ST3GAL1: variants seen among roughly 807,000 people sequenced by gnomAD.
ST3GAL1 encodes ST3 beta-galactoside alpha-2,3-sialyltransferase 1.
Under a neutral mutation model 34.1 loss-of-function variants are expected in ST3GAL1, and 16 were observed. The ratio of observed to expected loss-of-function variants is 0.47; its 90% CI spans 0.32 to 0.71. The LOEUF is 0.71. Ranked by LOEUF, ST3GAL1 falls within the 30% of genes least tolerant of loss-of-function variation. The probability of loss-of-function intolerance (pLI) is 0.04; values close to 1 mark genes in which losing one functional copy is unlikely to be tolerated. For synonymous variants in ST3GAL1, 191 were observed against 184.7 expected (o/e 1.03, Z -0.28); for missense variants, 353 against 447.4 (o/e 0.79, Z 1.90).
intron 1 of ST3GAL1, among the ~76,000 whole-genome samples, chr8:133,562,264 C>A (rs1819248978): frequency 6.8e-6 from 1 of 146,338 alleles, no homozygotes; most frequent in Admixed American, 7.0e-5. Context: ...GGCTGGAGTG[C>A]AGTGGCAGGA....
At position 133,570,711 on chromosome 8, in the gene ST3GAL1, G is replaced by C. The variant is rs770931010; in HGVS notation, c.-582+982C>G. Among the ~76,000 whole-genome samples the C allele has an allele frequency of 1.3e-5, 2 of 152,158 alleles. No individual in the cohort carries two copies. The highest frequency in any genetic ancestry group is 2.9e-5 in the Non-Finnish European group (2 of 68,038). On this transcript the variant is annotated intron_variant, in intron 1 of 9. Coordinates refer to ENST00000522652, the MANE Select transcript of ST3GAL1 (RefSeq NM_173344.3). This position sits in a 1 kb window ranked among gnomAD's most constrained non-coding sequence, Gnocchi z 5.6. ...CGCAAGGTCACGCTTAAACACTCGC[G>C]CAGAGAAAGGAGGAGCGGAAAGTTG...
intron 3 of ST3GAL1, among the ~76,000 whole-genome samples, chr8:133,490,332 G>A (rs539325880): frequency 6.6e-6 from 1 of 152,192 alleles, no homozygotes; most frequent in East Asian, 1.9e-4. Context: ...AGGTACCCAA[G>A]CATGCCTGCG....
At chr8:133,517,130 G>A (rs2131020886) in intron 2 of ST3GAL1, among the ~76,000 whole-genome samples, 1 of 152,332 alleles carries the variant, frequency 6.6e-6, no homozygotes, top group Admixed American at 6.5e-5. Flanking sequence ...AAACCATTAT[G>A]GGGACGTTTT....
At chr8:133,551,618 G>GAA (rs1481293927) in intron 1 of ST3GAL1, among the ~76,000 whole-genome samples, 63 of 144,378 alleles carry the variant, frequency 4.4e-4, no homozygotes, top group East Asian at 2.5e-3. Flanking sequence ...AAGAAAGAAA[G>GAA]AGCGAGCAAG....
intron 2 of ST3GAL1, among the ~76,000 whole-genome samples, chr8:133,507,410 G>A (rs1817377719): frequency 6.6e-6 from 1 of 152,276 alleles, no homozygotes; most frequent in South Asian, 2.1e-4. Context: ...GAAGAGCATA[G>A]GCTTTGGCCC....
intron 2 of ST3GAL1, among the ~76,000 whole-genome samples, chr8:133,524,932 C>T (rs138020237): frequency 3.9e-5 from 6 of 152,378 alleles, no homozygotes; most frequent in South Asian, 2.1e-4. Context: ...TTGGGGAGCC[C>T]CTAGATCTGG....
At chr8:133,525,830 G>C (rs1243899684) in intron 2 of ST3GAL1, among the ~76,000 whole-genome samples, 1 of 152,218 alleles carries the variant, frequency 6.6e-6, no homozygotes, top group Non-Finnish European at 1.5e-5. Context: ...TGGGAGTGGT[G>C]AGATGCCAGG....
intron 2 of ST3GAL1, among the ~76,000 whole-genome samples, chr8:133,513,118 C>T (rs2131014549): frequency 6.6e-6 from 1 of 152,288 alleles, no homozygotes; most frequent in South Asian, 2.1e-4. Context: ...TCATCAATGT[C>T]AGTGGAAAGA....
chr8:133,555,964 G>T (rs2131095539), intron 1 of ST3GAL1, among the ~76,000 whole-genome samples: 1 of 152,224 alleles, frequency 6.6e-6, no homozygotes, highest in South Asian at 2.1e-4. Context: ...CACGGTCTCG[G>T]CTCACTGCAA....
At chr8:133,535,728 A>G (rs1563731609) in intron 2 of ST3GAL1, among the ~76,000 whole-genome samples, 1 of 152,132 alleles carries the variant, frequency 6.6e-6, no homozygotes, top group Admixed American at 6.6e-5. Flanking sequence ...GCCTCAAGCA[A>G]TCTGCCCGCC....
At chr8:133,514,310 G>A (rs1303492227) in intron 2 of ST3GAL1, among the ~76,000 whole-genome samples, 1 of 152,130 alleles carries the variant, frequency 6.6e-6, no homozygotes, top group Non-Finnish European at 1.5e-5. Flanking sequence ...CCTGGCCACA[G>A]GCATTGGGTA....
chr8:133,480,410 TGTAGTAAATACCCACTGAACGGGATG>T (rs1266486594), intron 3 of ST3GAL1, among the ~76,000 whole-genome samples: 2 of 152,188 alleles, frequency 1.3e-5, no homozygotes, highest in African/African-American at 4.8e-5. Flanking sequence ...GTTTTGAACC[TGTAGTAAATACCCACTGAACGGGATG>T]GTAGTAAATA....
At chr8:133,537,187 T>C (rs993271855) in intron 2 of ST3GAL1, among the ~76,000 whole-genome samples, 2 of 152,106 alleles carry the variant, frequency 1.3e-5, no homozygotes, top group Non-Finnish European at 1.5e-5. Flanking sequence ...ACATATTTAC[T>C]GGTGCAAAGG....
At chr8:133,505,248 T>G (rs1586625591) in intron 2 of ST3GAL1, among the ~76,000 whole-genome samples, 1 of 152,200 alleles carries the variant, frequency 6.6e-6, no homozygotes, top group Non-Finnish European at 1.5e-5. Context: ...TAGTGTCTCC[T>G]TCCAGAGCAG....
chr8:133,480,010 A>G (rs13251263), intron 3 of ST3GAL1, among the ~76,000 whole-genome samples: 45,799 of 152,106 alleles, frequency 0.3, 7,677 homozygotes, highest in Non-Finnish European at 0.39. Context: ...ATCTGGGCCA[A>G]GACGCCACAG....
intron 2 of ST3GAL1, among the ~76,000 whole-genome samples, chr8:133,541,394 A>G (rs1818526323): frequency 2.0e-5 from 3 of 151,968 alleles, no homozygotes; most frequent in African/African-American, 7.2e-5. Flanking sequence ...CCCTCTGCAG[A>G]GACGCCTGGT....
chr8:133,560,260 TAAAA>T (rs370040473), intron 1 of ST3GAL1, among the ~76,000 whole-genome samples: 1 of 145,106 alleles, frequency 6.9e-6, no homozygotes, highest in Non-Finnish European at 1.5e-5. Context: ...TCAGTTTTAC[TAAAA>T]AAAAAAACAC....
At chr8:133,495,424 G>A (rs1586616898) in intron 3 of ST3GAL1, among the ~76,000 whole-genome samples, 1 of 152,222 alleles carries the variant, frequency 6.6e-6, no homozygotes, top group Non-Finnish European at 1.5e-5. Context: ...AACTGAGGCT[G>A]AGAAGTTCAG....
At chr8:133,501,750 A>AAAACAAAC (rs10667124) in intron 2 of ST3GAL1, among the ~76,000 whole-genome samples, 9 of 151,138 alleles carry the variant, frequency 6.0e-5, no homozygotes, top group East Asian at 2.0e-4. Context: ...ACTCCGTCTC[A>AAAACAAAC]AAACAAACAA....
Sources: allele counts gnomAD v4.1 joint callset (sites outside exome capture counted in the v4.1 genomes callset), GRCh38; gene constraint gnomAD v4.1.1; non-coding constraint Gnocchi (gnomAD v3.1); transcripts MANE v1.5; gene names NCBI Gene and HGNC (gene_info 2026-07-23, HGNC 2026-07-21).